The following LRP1B variants were observed in gnomAD, a reference collection of about 807,000 sequenced individuals.
LRP1B encodes low-density lipoprotein receptor-related protein 1B.
Under a neutral mutation model 556.6 loss-of-function variants are expected in LRP1B, and 217 were observed. The ratio of observed to expected loss-of-function variants is 0.39; its 90% confidence interval spans 0.35 to 0.44. LRP1B has a LOEUF of 0.44. LRP1B is among the 20% of genes least tolerant of loss of function. The probability of loss-of-function intolerance (pLI) is 1.00; values close to 1 mark genes in which losing one functional copy is unlikely to be tolerated. For synonymous variants in LRP1B, 2,047 were observed against 1,865.8 expected, an observed-to-expected ratio of 1.10 and a Z score of -2.50; for missense variants, 5,053 against 5,620.8, an observed-to-expected ratio of 0.90 and a Z score of 3.23.
intron 1 of LRP1B, among the ~76,000 whole-genome samples, chr2:141,962,315 T>C (rs965529505): frequency 1.5e-4 from 23 of 151,786 alleles, no homozygotes; most frequent in Non-Finnish European, 2.4e-4. Context: ...TAAGTCAAGA[T>C]GCAGTTTAAC....
intron 43 of LRP1B, among the ~76,000 whole-genome samples, chr2:140,548,088 A>G (rs555577572): frequency 6.6e-6 from 1 of 152,234 alleles, no homozygotes; most frequent in African/African-American, 2.4e-5. Flanking sequence ...GAATTATACA[A>G]AGTATTTAGT....
At chr2:141,415,008 C>CTTTTGTTTTG (rs201456585) in intron 3 of LRP1B, among the ~76,000 whole-genome samples, 3 of 150,230 alleles carry the variant, frequency 2.0e-5, no homozygotes, top group African/African-American at 4.8e-5. Flanking sequence ...TTCTAATGTA[C>CTTTTGTTTTG]TTTTGTTTTG....
chr2:140,475,837 TA>T (rs1687952612), intron 59 of LRP1B, among the ~76,000 whole-genome samples: 1 of 151,850 alleles, frequency 6.6e-6, no homozygotes, highest in African/African-American at 2.4e-5. Flanking sequence ...AAAATAAAAT[TA>T]AATGAAATGA....
At chr2:140,645,533 CTTTTTTTTTTTTTT>C (rs36082249) in intron 41 of LRP1B, among the ~76,000 whole-genome samples, 397 of 81,258 alleles carry the variant, frequency 4.9e-3, no homozygotes, top group African/African-American at 0.021. Flanking sequence ...TGCCAATATT[CTTTTTTTTTTTTTT>C]TTTTTTTTTT....
At chr2:140,458,760 T>C (rs1351047954) in intron 60 of LRP1B, among the ~76,000 whole-genome samples, 1 of 152,058 alleles carries the variant, frequency 6.6e-6, no homozygotes, top group African/African-American at 2.4e-5. Context: ...ATAGGAAGCT[T>C]TACAGCCTTA....
rs191116041 is a variant in LRP1B at position 140,707,745 on chromosome 2, C to T, written c.6024-5192G>A. Among the ~76,000 whole-genome samples, 11 of 152,076 alleles carry T rather than the reference C, an allele frequency of 7.2e-5. 1 individual carries two copies. Among genetic ancestry groups the T allele is most frequent in the Middle Eastern group, 3.4e-3 (1 of 294 alleles). On this transcript the variant is annotated intron_variant, in intron 37 of 90. Coordinates refer to ENST00000389484, the MANE Select transcript of LRP1B (RefSeq NM_018557.3). ...TTCACATTTTCTTTTTCTTCATTTA[C>T]GTACAGTTTTGTCTGAGAAAGTATT...
At chr2:141,962,942 C>T (rs2105058191) in intron 1 of LRP1B, among the ~76,000 whole-genome samples, 1 of 151,862 alleles carries the variant, frequency 6.6e-6, no homozygotes, top group East Asian at 2.0e-4. Flanking sequence ...GGAATAGCAT[C>T]CTGTAAGTAG....
intron 2 of LRP1B, among the ~76,000 whole-genome samples, chr2:141,538,513 A>C (rs1443426528): frequency 6.6e-6 from 1 of 152,154 alleles, no homozygotes; most frequent in Admixed American, 6.6e-5. Context: ...TCAGACTTTG[A>C]AAATATGGTT....
At chr2:141,465,339 G>C (rs550628315) in intron 3 of LRP1B, among the ~76,000 whole-genome samples, 1 of 151,652 alleles carries the variant, frequency 6.6e-6, no homozygotes, top group East Asian at 1.9e-4. Context: ...AAAGAAATGG[G>C]GAAAAAATGG....
intron 7 of LRP1B, among the ~76,000 whole-genome samples, chr2:141,144,222 T>G (rs777173213): frequency 4.6e-5 from 7 of 152,178 alleles, no homozygotes; most frequent in African/African-American, 9.6e-5. Context: ...TCTCTAGATA[T>G]TTAGATGAAA....
At chr2:141,979,886 T>C (rs954541238) in intron 1 of LRP1B, among the ~76,000 whole-genome samples, 2 of 152,112 alleles carry the variant, frequency 1.3e-5, no homozygotes, top group Non-Finnish European at 2.9e-5. Flanking sequence ...ATGCCCATTA[T>C]CAGAAGAATA....
At chr2:140,593,821 G>C (rs1169552483) in intron 43 of LRP1B, among the ~76,000 whole-genome samples, 4 of 151,688 alleles carry the variant, frequency 2.6e-5, no homozygotes, top group Admixed American at 6.6e-5. Context: ...ACCCTTTTTT[G>C]ATTTATTTTT....
intron 20 of LRP1B, among the ~76,000 whole-genome samples, 191 bp downstream of exon 20, chr2:140,950,044 G>C (rs1355062668): frequency 6.6e-6 from 1 of 151,304 alleles, no homozygotes; most frequent in East Asian, 1.9e-4. Context: ...AGGAGGTATT[G>C]AGAGGAGAAA....
rs199912690 is a variant in LRP1B at position 141,097,603 on chromosome 2, AAT to A, written c.1014-35332_1014-35331del. The stretch of plus-strand genomic sequence containing the variant: ...ATCTTGTCTACCTTCTACAAACTTA[AAT>A]TTAAAATAGTGGAAGCAACTTGCCT... On this transcript the variant is annotated intron_variant, in intron 7 of 90. Coordinates refer to ENST00000389484, the MANE Select transcript of LRP1B (RefSeq NM_018557.3). 3.7e-3 allele frequency among the ~76,000 whole-genome samples: 561 copies of A among 152,280 alleles called. 8 individuals carry two copies. The highest frequency in any genetic ancestry group is 0.013 in the African/African-American group (528 of 41,558).
intron 1 of LRP1B, among the ~76,000 whole-genome samples, chr2:141,949,822 CT>C (rs1264736365): frequency 1.3e-5 from 2 of 152,020 alleles, no homozygotes; most frequent in South Asian, 4.1e-4. Flanking sequence ...TCTGTTCTAT[CT>C]TTCAAGTTCT....
intron 1 of LRP1B, among the ~76,000 whole-genome samples, chr2:141,908,104 A>G (rs1699807155): frequency 6.6e-6 from 1 of 152,074 alleles, no homozygotes; most frequent in Non-Finnish European, 1.5e-5. Context: ...GGAAACACGT[A>G]AAGGGGAAAA....
chr2:141,018,006 A>G (rs1207641021), intron 12 of LRP1B, among the ~76,000 whole-genome samples: 1 of 151,758 alleles, frequency 6.6e-6, no homozygotes, highest in Non-Finnish European at 1.5e-5. Context: ...GTCTAAAAAA[A>G]AAAAAAAAAA....
intron 37 of LRP1B, among the ~76,000 whole-genome samples, chr2:140,707,345 T>C (rs1034250322): frequency 1.3e-5 from 2 of 152,138 alleles, no homozygotes; most frequent in African/African-American, 4.8e-5. Flanking sequence ...AGAATGTCAT[T>C]GTGTCGTCTC....
intron 19 of LRP1B, among the ~76,000 whole-genome samples, chr2:140,951,474 T>C (rs1179126710): frequency 6.6e-6 from 1 of 152,150 alleles, no homozygotes; most frequent in African/African-American, 2.4e-5. Context: ...AAGAGGAAAC[T>C]GACAGAGTTG....
Sources: gnomAD v4.1 joint callset for allele counts (sites outside exome capture counted in the v4.1 genomes callset) on GRCh38, gnomAD v4.1.1 for gene constraint, MANE v1.5 for transcripts, NCBI Gene and HGNC (gene_info 2026-07-23, HGNC 2026-07-21) for gene names.